IPCEF1: variants seen among roughly 807,000 people sequenced by gnomAD.
The protein encoded by IPCEF1 is interactor protein for cytohesin exchange factors 1.
Under a neutral mutation model 50.9 loss-of-function variants are expected in IPCEF1, and 31 were observed. That is an observed-to-expected ratio of 0.61 (90% CI 0.46 to 0.82). The LOEUF (loss-of-function observed/expected upper bound fraction) is 0.82. Ranked by LOEUF, IPCEF1 falls within the 40% of genes least tolerant of loss-of-function variation. The pLI is 0.00. For synonymous variants in IPCEF1, 181 were observed against 192.0 expected, an observed-to-expected ratio of 0.94 and a Z score of 0.47; for missense variants, 458 against 514.0, an observed-to-expected ratio of 0.89 and a Z score of 1.05.
In IPCEF1 at chr6:154,158,643, T is replaced by C. The variant is rs1798809561; in HGVS notation, c.*1185A>G. ...CCCATTTTTTTCCCACAAGATTTCC[T>C]GAGCATTCCTCAGACACAGTGCAAC... is the stretch of plus-strand genomic sequence containing the variant. On this transcript the variant is annotated 3_prime_UTR_variant, in exon 12 of 12. Coordinates refer to ENST00000367220, the MANE Select transcript of IPCEF1 (RefSeq NM_001130700.2). 6.6e-6 allele frequency: 1 copy of C among 152,218 alleles called. No individual in the cohort carries two copies. Among genetic ancestry groups the C allele is most frequent in the Non-Finnish European group, 1.5e-5 (1 of 68,036 alleles). 9.4% of individuals were successfully genotyped at this position (152,218 alleles called of 1,614,324 possible). A position where few individuals can be genotyped will look rare whatever the true frequency, so the allele number is the denominator to read the frequency against.
chr6:154,292,443 A>G (rs1338315533), intron 1 of IPCEF1, among the ~76,000 whole-genome samples: 16 of 152,232 alleles, frequency 1.1e-4, no homozygotes, highest in Non-Finnish European at 4.4e-5. Context: ...TTGCGCTACA[A>G]TCGCATGAGG....
At chr6:154,276,271 GAAAAAAGAAAAGAAA>G (rs201543956) in intron 2 of IPCEF1, among the ~76,000 whole-genome samples, 42,823 of 88,594 alleles carry the variant, frequency 0.48, 6,730 homozygotes, top group Middle Eastern at 0.57. Flanking sequence ...GGAAGAAAGA[GAAAAAAGAAAAGAAA>G]AAAAAAGAAA....
At chr6:154,297,073 G>T (rs1424803483) in intron 1 of IPCEF1, among the ~76,000 whole-genome samples, 4 of 149,834 alleles carry the variant, frequency 2.7e-5, no homozygotes, top group Admixed American at 1.3e-4. Flanking sequence ...TTTTAAATAG[G>T]GTCTCACTCT....
At chr6:154,194,250 T>G (rs1172654036) in intron 10 of IPCEF1, among the ~76,000 whole-genome samples, 1 of 151,952 alleles carries the variant, frequency 6.6e-6, no homozygotes, top group African/African-American at 2.4e-5. Context: ...AAATACAAAA[T>G]TAGCCAGGCG....
At chr6:154,222,389 C>T (rs1320614419) in intron 6 of IPCEF1, among the ~76,000 whole-genome samples, 3 of 152,216 alleles carry the variant, frequency 2.0e-5, no homozygotes, top group African/African-American at 7.2e-5. Flanking sequence ...GAAAACTACT[C>T]AATTGCTGCA....
chr6:154,343,902 C>G (rs1052467194), intron 1 of IPCEF1, among the ~76,000 whole-genome samples: 3 of 152,310 alleles, frequency 2.0e-5, no homozygotes, highest in Non-Finnish European at 2.9e-5. Context: ...GCCCTTGCCC[C>G]GTGGTGTGCC....
intron 5 of IPCEF1, among the ~76,000 whole-genome samples, chr6:154,235,710 C>T (rs1485612588): frequency 6.6e-6 from 1 of 152,076 alleles, no homozygotes; most frequent in Non-Finnish European, 1.5e-5. Context: ...ACCACCACCA[C>T]CACTAAGAAA....
At chr6:154,228,033 G>C (rs1779403345) in intron 5 of IPCEF1, among the ~76,000 whole-genome samples, 1 of 151,920 alleles carries the variant, frequency 6.6e-6, no homozygotes, top group Non-Finnish European at 1.5e-5. Flanking sequence ...GGCAAATCTT[G>C]AGAGAATGAC....
intron 1 of IPCEF1, among the ~76,000 whole-genome samples, chr6:154,330,325 CT>C (rs138406253): frequency 0.12 from 10,718 of 89,000 alleles, 700 homozygotes; most frequent in South Asian, 0.23. Context: ...ATTATAGCCT[CT>C]TTTTTTTTTT....
intron 2 of IPCEF1, among the ~76,000 whole-genome samples, chr6:154,286,566 A>G (rs148758092): frequency 6.6e-6 from 1 of 152,312 alleles, no homozygotes; most frequent in Non-Finnish European, 1.5e-5. Flanking sequence ...AAAATATCAT[A>G]ATAAGCCCCT....
chr6:154,227,397 A>T (rs9383696), intron 5 of IPCEF1, among the ~76,000 whole-genome samples: 4,299 of 152,130 alleles, frequency 0.028, 196 homozygotes, highest in East Asian at 0.19. Flanking sequence ...ATACCTATAT[A>T]CACTTTTAGT....
intron 5 of IPCEF1, among the ~76,000 whole-genome samples, chr6:154,226,381 T>A (rs890928935): frequency 5.9e-5 from 9 of 152,246 alleles, no homozygotes; most frequent in African/African-American, 1.9e-4. Context: ...ATTATCTTAC[T>A]CCATAAAATG....
intron 9 of IPCEF1, among the ~76,000 whole-genome samples, chr6:154,202,264 C>T (rs997088443): frequency 2.0e-5 from 3 of 152,150 alleles, no homozygotes; most frequent in African/African-American, 7.2e-5. Flanking sequence ...AAAATCCATT[C>T]AGGAATATGT....
At chr6:154,321,106 T>G (rs1261639434) in intron 1 of IPCEF1, among the ~76,000 whole-genome samples, 1 of 151,860 alleles carries the variant, frequency 6.6e-6, no homozygotes, top group Non-Finnish European at 1.5e-5. Flanking sequence ...AATTTTTGTA[T>G]TTTTTGTAGC....
intron 1 of IPCEF1, among the ~76,000 whole-genome samples, chr6:154,327,910 G>A (rs1783561087): frequency 6.6e-6 from 1 of 152,196 alleles, no homozygotes; most frequent in Non-Finnish European, 1.5e-5. Context: ...AGGAGATCAC[G>A]TCCTTTGTAG....
intron 10 of IPCEF1, among the ~76,000 whole-genome samples, chr6:154,199,030 A>T (rs141481102): frequency 5.9e-5 from 9 of 152,382 alleles, no homozygotes; most frequent in Non-Finnish European, 8.8e-5. Context: ...AGGACCAGTT[A>T]TCAGAGTATT....
intron 10 of IPCEF1, among the ~76,000 whole-genome samples, chr6:154,176,129 G>A (rs981021010): frequency 1.2e-4 from 18 of 152,126 alleles, no homozygotes; most frequent in East Asian, 7.7e-4. Context: ...ACAGCCTTTC[G>A]TGCTAAAAAC....
chr6:154,306,993 G>A (rs62435707), intron 1 of IPCEF1, among the ~76,000 whole-genome samples: 7,287 of 152,216 alleles, frequency 0.048, 269 homozygotes, highest in Non-Finnish European at 0.074. Context: ...GGTGGCTTCC[G>A]CAACAGACAT....
rs145077975 is a variant in IPCEF1, at chr6:154,265,295, T to C, written c.36+617A>G. On this transcript the variant is annotated intron_variant, in intron 3 of 11. Coordinates refer to ENST00000367220, the MANE Select transcript of IPCEF1 (RefSeq NM_001130700.2). ...GTGAAATTATTATTATGTTTTTTTT[T>C]TTTGAGGCGGAGTCTCGCTCTGTTG... Among the ~76,000 whole-genome samples the C allele has an allele frequency of 2.4e-3, 360 of 152,250 alleles. 4 individuals are homozygous for C. The highest frequency in any genetic ancestry group is 8.4e-3 in the African/African-American group (351 of 41,546).
Sources: allele counts gnomAD v4.1 joint callset (sites outside exome capture counted in the v4.1 genomes callset), GRCh38; gene constraint gnomAD v4.1.1; transcripts MANE v1.5; gene names NCBI Gene and HGNC (gene_info 2026-07-23, HGNC 2026-07-21).